WHRN: variants seen among roughly 807,000 people sequenced by gnomAD.
WHRN encodes the protein whirlin.
WHRN carries 41 observed loss-of-function variants against 68.3 expected under a neutral mutation model. That is an observed-to-expected ratio of 0.60 (90% CI 0.47 to 0.78). WHRN has a LOEUF of 0.78. WHRN is among the 30% of genes least tolerant of loss of function. The probability of loss-of-function intolerance (pLI) is 0.00; values close to 1 mark genes in which losing one functional copy is unlikely to be tolerated. For missense variants in WHRN, 1,243 were observed against 1,244.7 expected (o/e 1.00, Z 0.02); for synonymous variants, 560 against 561.3 (o/e 1.00, Z 0.03).
chr9:114,424,396 C>T lies in WHRN; in HGVS notation c.1354G>A (p.Gly452Ser), dbSNP rs1277906388. The T allele has an allele frequency of 8.7e-6, 14 of 1,612,698 alleles. No homozygotes were observed. The East Asian group carries it at 1.8e-4, about 21-fold the overall frequency. Residue 452 changes from glycine (G) to serine (S), a missense_variant, in exon 6 of 12, where the codon GGC (glycine) becomes AGC (serine). Transcript: ENST00000362057. The part of the protein sequence containing the change: ...MAYYLDEYRG[G>S]SVSVEALVMA... ...ACGAGGGCCTCCACAGAGACGCTGC[C>T]ACCACGGTACTCATCCAGGTAGTAG...
At chr9:114,464,813 CATAATGATGATGATGATG>C (rs1214236483) in intron 3 of WHRN, among the ~76,000 whole-genome samples, 4,157 of 120,978 alleles carry the variant, frequency 0.034, 76 homozygotes, top group Non-Finnish European at 0.053. Flanking sequence ...TGATTATGTC[CATAATGATGATGATGATG>C]ATGATGATGA....
chr9:114,502,399 T>G (rs1844006360), intron 1 of WHRN, among the ~76,000 whole-genome samples: 1 of 152,224 alleles, frequency 6.6e-6, no homozygotes, highest in Non-Finnish European at 1.5e-5. Flanking sequence ...GTTTAGGTTT[T>G]ACTCTGGAAG....
rs191902476 is a variant in WHRN at position 114,476,523 on chromosome 9, T to C, written c.837+2030A>G. Among the ~76,000 whole-genome samples, 303 of 152,262 alleles carry C rather than the reference T, an allele frequency of 2.0e-3. 1 individual carries two copies. The highest frequency in any genetic ancestry group is 6.3e-3 in the African/African-American group (263 of 41,550). On this transcript the variant is annotated intron_variant, in intron 2 of 11. Coordinates refer to ENST00000362057, the MANE Select transcript of WHRN (RefSeq NM_015404.4). Reference sequence around the variant, plus strand: ...TCAATCAAAACAGCCCGTACCTCCCTGGCACTTTCTACCCGGCTCCTGATT... The same window carrying C: ...TCAATCAAAACAGCCCGTACCTCCCCGGCACTTTCTACCCGGCTCCTGATT...
At chr9:114,410,565 A>G (rs1174025386) in intron 7 of WHRN, among the ~76,000 whole-genome samples, 1 of 152,180 alleles carries the variant, frequency 6.6e-6, no homozygotes, top group Non-Finnish European at 1.5e-5. Flanking sequence ...TAAGACAGAG[A>G]GAGGCCAGTC....
At chr9:114,473,219 C>A (rs1327183410) in intron 2 of WHRN, among the ~76,000 whole-genome samples, 1 of 152,130 alleles carries the variant, frequency 6.6e-6, no homozygotes, top group East Asian at 1.9e-4. Context: ...GGCAAATGAC[C>A]GGGGAGGGGT....
At chr9:114,453,612 G>C (rs1182016362) in intron 3 of WHRN, among the ~76,000 whole-genome samples, 1 of 151,940 alleles carries the variant, frequency 6.6e-6, no homozygotes, top group Non-Finnish European at 1.5e-5. Context: ...CACCTTACAA[G>C]CAATTCTCTG....
intron 2 of WHRN, among the ~76,000 whole-genome samples, chr9:114,469,390 C>T (rs1012740194): frequency 1.3e-5 from 2 of 152,206 alleles, no homozygotes; most frequent in Non-Finnish European, 2.9e-5. Context: ...TAAGAGAATG[C>T]TGAGAGGAAA....
chr9:114,419,446 T>C (rs1019892834), intron 7 of WHRN, among the ~76,000 whole-genome samples: 2 of 152,220 alleles, frequency 1.3e-5, no homozygotes, highest in Non-Finnish European at 2.9e-5. Context: ...GTGCGATCGC[T>C]GCCCTCAAGC....
At chr9:114,422,701 G>A (rs1319126190) in intron 7 of WHRN, among the ~76,000 whole-genome samples, 1 of 152,166 alleles carries the variant, frequency 6.6e-6, no homozygotes, top group African/African-American at 2.4e-5. Context: ...TGGTTATGGT[G>A]GTAGGCACCT....
At chr9:114,487,311 C>T (rs950878414) in intron 1 of WHRN, among the ~76,000 whole-genome samples, 1 of 151,610 alleles carries the variant, frequency 6.6e-6, no homozygotes, top group Non-Finnish European at 1.5e-5. Flanking sequence ...TGATGTCTGC[C>T]CTTCCTGACT....
chr9:114,478,806 G>A, intron 1 of WHRN, 35 bp from the exon 2 acceptor site: 1 of 1,586,054 alleles, frequency 6.3e-7, no homozygotes, highest in Non-Finnish European at 8.6e-7. Context: ...TAGAGGAAGG[G>A]AGGTGCCGGG....
chr9:114,475,393 G>T (rs1841568267), intron 2 of WHRN, among the ~76,000 whole-genome samples: 1 of 152,202 alleles, frequency 6.6e-6, no homozygotes, highest in African/African-American at 2.4e-5. Flanking sequence ...TTTAAGAGCA[G>T]CCACGTCTGA....
At chr9:114,495,225 G>C (rs1014546350) in intron 1 of WHRN, among the ~76,000 whole-genome samples, 9 of 152,242 alleles carry the variant, frequency 5.9e-5, no homozygotes, top group Admixed American at 4.6e-4. Flanking sequence ...TCAAGAGCAG[G>C]GTTGTAGACA....
intron 1 of WHRN, among the ~76,000 whole-genome samples, chr9:114,496,166 C>A (rs1037256311): frequency 1.3e-5 from 2 of 152,114 alleles, no homozygotes; most frequent in East Asian, 3.8e-4. Flanking sequence ...CCTGGGGAGG[C>A]CATCAGGGAA....
intron 3 of WHRN, among the ~76,000 whole-genome samples, chr9:114,460,319 G>A (rs1335137962): frequency 6.6e-6 from 1 of 152,242 alleles, no homozygotes; most frequent in Non-Finnish European, 1.5e-5. Context: ...CTGAGCCTCA[G>A]TTGTTCATGT....
At chr9:114,468,223 G>A (rs1318370915) in intron 2 of WHRN, among the ~76,000 whole-genome samples, 1 of 152,182 alleles carries the variant, frequency 6.6e-6, no homozygotes, top group African/African-American at 2.4e-5. Flanking sequence ...AGACAAGTGA[G>A]AGCATGTGGC....
chr9:114,413,428 C>T (rs1037516979), intron 7 of WHRN, among the ~76,000 whole-genome samples: 39 of 152,100 alleles, frequency 2.6e-4, no homozygotes, highest in African/African-American at 9.4e-4. Context: ...CAGGGAGAGC[C>T]AGGAAGTCCT....
intron 4 of WHRN, 40 bp from the exon 5 acceptor site, chr9:114,425,064 C>G: frequency 6.2e-7 from 1 of 1,610,024 alleles, no homozygotes; most frequent in Non-Finnish European, 8.5e-7. Flanking sequence ...TGCATTTGAG[C>G]AGATCAAATG....
chr9:114,505,095 A>G lies in WHRN; in HGVS notation c.-294T>C. 1 of 366,434 alleles carries G rather than the reference A, an allele frequency of 2.7e-6. No homozygotes were observed. Among genetic ancestry groups the G allele is most frequent in the Non-Finnish European group, 4.8e-6 (1 of 208,656 alleles). 22.7% of individuals were successfully genotyped at this position (366,434 alleles called of 1,614,324 possible). A position where few individuals can be genotyped will look rare whatever the true frequency, so the allele number is the denominator to read the frequency against. On this transcript the variant is annotated 5_prime_UTR_variant, in exon 1 of 12. Transcript: ENST00000362057. Reference sequence around the variant, plus strand: ...GGCTGCTGGAGCCCGGAGGTGGCGGAGACTGCTGCTGGAGTCCGGGGGGCG... The same window carrying G: ...GGCTGCTGGAGCCCGGAGGTGGCGGGGACTGCTGCTGGAGTCCGGGGGGCG...
Sources: allele counts gnomAD v4.1 joint callset (sites outside exome capture counted in the v4.1 genomes callset), GRCh38; gene constraint gnomAD v4.1.1; transcripts MANE v1.5; gene names NCBI Gene and HGNC (gene_info 2026-07-23, HGNC 2026-07-21).